ADAMTSL1: variants seen among roughly 807,000 people sequenced by gnomAD.
The protein encoded by ADAMTSL1 is ADAMTS-like protein 1.
ADAMTSL1 carries 126 observed loss-of-function variants against 201.8 expected under a neutral mutation model. The ratio of observed to expected loss-of-function variants is 0.62; its 90% confidence interval spans 0.54 to 0.72. ADAMTSL1 has a LOEUF of 0.72. Among genes scored for constraint, ADAMTSL1 ranks in the 30% least tolerant of loss-of-function variants. ADAMTSL1 has a pLI of 0.00. For missense variants in ADAMTSL1, 2,679 were observed against 2,277.8 expected, an observed-to-expected ratio of 1.18 and a Z score of -3.59; for synonymous variants, 1,121 against 903.4, an observed-to-expected ratio of 1.24 and a Z score of -4.32.
Position 18,865,988 on chromosome 9 carries a change from G to A in ADAMTSL1, c.4250-21843G>A, listed in dbSNP as rs766235750. On this transcript the variant is annotated intron_variant, in intron 23 of 28. Coordinates refer to ENST00000380548, the MANE Select transcript of ADAMTSL1 (RefSeq NM_001040272.6). Reference sequence around the variant, plus strand: ...TGCCTTAAATACTGTGAACTTCTTCGTTGAAGGAAAGGGAGGGTTGGGAAT... The same window carrying A: ...TGCCTTAAATACTGTGAACTTCTTCATTGAAGGAAAGGGAGGGTTGGGAAT... 9.9e-5 allele frequency among the ~76,000 whole-genome samples: 15 copies of A among 152,026 alleles called. No individual in the cohort carries two copies. The Middle Eastern group carries it at 0.01, about 103-fold the overall frequency.
intron 2 of ADAMTSL1, among the ~76,000 whole-genome samples, chr9:18,532,265 A>G (rs1434726880): frequency 2.6e-5 from 4 of 152,134 alleles, no homozygotes; most frequent in Non-Finnish European, 5.9e-5. Context: ...GGGAGTATGT[A>G]ATGGTACAAC....
At chr9:18,711,254 G>A (rs1266135818) in intron 14 of ADAMTSL1, among the ~76,000 whole-genome samples, 14 of 152,180 alleles carry the variant, frequency 9.2e-5, no homozygotes, top group African/African-American at 2.2e-4. Context: ...CAAGATGGCC[G>A]AATAGGAACA....
chr9:18,322,882 A>T (rs986781888), intron 2 of ADAMTSL1, among the ~76,000 whole-genome samples: 1 of 152,238 alleles, frequency 6.6e-6, no homozygotes, highest in Admixed American at 6.5e-5. Context: ...AATAGAAAAT[A>T]TCAATAGCTC....
chr9:18,609,007 C>T (rs1319299720), intron 4 of ADAMTSL1, among the ~76,000 whole-genome samples: 3 of 152,056 alleles, frequency 2.0e-5, no homozygotes, highest in Non-Finnish European at 4.4e-5. Context: ...ATTCAACTGG[C>T]ATATTGATAC....
intron 1 of ADAMTSL1, among the ~76,000 whole-genome samples, chr9:18,127,796 G>A (rs1164410295): frequency 2.6e-5 from 4 of 152,204 alleles, no homozygotes; most frequent in Non-Finnish European, 2.9e-5. Flanking sequence ...AACTTGCCAT[G>A]TTTTGGAAGT....
chr9:18,021,189 A>G (rs921873105), intron 1 of ADAMTSL1, among the ~76,000 whole-genome samples: 3 of 152,182 alleles, frequency 2.0e-5, no homozygotes, highest in Admixed American at 6.5e-5. Context: ...AGGTTTGATT[A>G]ACTTGGTCAC....
chr9:18,131,194 T>A (rs1477413331), intron 1 of ADAMTSL1, among the ~76,000 whole-genome samples: 1 of 152,210 alleles, frequency 6.6e-6, no homozygotes, highest in Non-Finnish European at 1.5e-5. Flanking sequence ...GTCTTACTTA[T>A]TTTGAGTAAG....
intron 19 of ADAMTSL1, among the ~76,000 whole-genome samples, chr9:18,786,989 G>C (rs72690561): frequency 0.17 from 25,208 of 152,208 alleles, 2,221 homozygotes; most frequent in Non-Finnish European, 0.2. Flanking sequence ...TCTCAGAATG[G>C]AAGTGAAGAT....
intron 5 of ADAMTSL1, among the ~76,000 whole-genome samples, chr9:18,633,514 AG>A (rs1249541215): frequency 1.3e-5 from 2 of 152,018 alleles, no homozygotes; most frequent in Non-Finnish European, 2.9e-5. Flanking sequence ...ACTTGAACCC[AG>A]GGGGCGGAGG....
chr9:17,933,291 C>T (rs72695939), intron 1 of ADAMTSL1, among the ~76,000 whole-genome samples: 33,035 of 151,962 alleles, frequency 0.22, 3,780 homozygotes, highest in Middle Eastern at 0.28. Context: ...AGCACCTTCT[C>T]CTCTGTATGG....
intron 19 of ADAMTSL1, among the ~76,000 whole-genome samples, chr9:18,786,489 A>G (rs900443460): frequency 6.6e-6 from 1 of 152,250 alleles, no homozygotes; most frequent in African/African-American, 2.4e-5. Flanking sequence ...CTAAAATGAT[A>G]CTAGTACAAT....
intron 1 of ADAMTSL1, among the ~76,000 whole-genome samples, chr9:18,029,385 C>T (rs933870696): frequency 5.9e-5 from 9 of 152,108 alleles, no homozygotes; most frequent in Admixed American, 1.3e-4. Flanking sequence ...ATGCCTTATA[C>T]AAAAATTAAT....
At chr9:18,721,769 A>T in intron 15 of ADAMTSL1, 104 bp downstream of exon 15, 4 of 1,466,130 alleles carry the variant, frequency 2.7e-6, no homozygotes, top group Non-Finnish European at 3.6e-6. Flanking sequence ...CAGTGTTTTG[A>T]AAACCAATTA....
chr9:18,207,887 C>G (rs540443648), intron 2 of ADAMTSL1, among the ~76,000 whole-genome samples: 2 of 150,530 alleles, frequency 1.3e-5, no homozygotes, highest in East Asian at 4.0e-4. Context: ...TAAAAAAAAA[C>G]AAGATAGAAT....
intron 2 of ADAMTSL1, among the ~76,000 whole-genome samples, chr9:18,238,855 C>G (rs1465805342): frequency 6.6e-6 from 1 of 152,128 alleles, no homozygotes; most frequent in Non-Finnish European, 1.5e-5. Context: ...AATTTACTCT[C>G]CTAGCACTTT....
intron 1 of ADAMTSL1, among the ~76,000 whole-genome samples, chr9:17,930,332 A>T (rs748367373): frequency 6.6e-6 from 1 of 152,132 alleles, no homozygotes; most frequent in Non-Finnish European, 1.5e-5. Context: ...GGGAATGTTG[A>T]GAATTGCACG....
At position 18,748,624 on chromosome 9, in the gene ADAMTSL1, A is replaced by T. The variant is rs185654184; in HGVS notation, c.2007-4674A>T. On this transcript the variant is annotated intron_variant, in intron 15 of 28. Coordinates refer to ENST00000380548, the MANE Select transcript of ADAMTSL1 (RefSeq NM_001040272.6). ...TGAAGTTGGGAGTAAACAGTTGTGTAGAGGACATAACTAAGATGTCCACCA... is the reference window on the plus strand; with the variant it reads ...TGAAGTTGGGAGTAAACAGTTGTGTTGAGGACATAACTAAGATGTCCACCA... Among the ~76,000 whole-genome samples, 159 of 152,308 alleles carry T rather than the reference A, an allele frequency of 1.0e-3. 1 individual carries two copies. Among genetic ancestry groups the T allele is most frequent in the African/African-American group, 3.8e-3 (157 of 41,560 alleles).
At chr9:18,659,399 A>C (rs1024038009) in intron 8 of ADAMTSL1, among the ~76,000 whole-genome samples, 6 of 152,252 alleles carry the variant, frequency 3.9e-5, no homozygotes, top group Admixed American at 3.9e-4. Flanking sequence ...TTGATAAAAA[A>C]CTATCAATTC....
At chr9:18,422,283 C>G (rs1818990964) in intron 2 of ADAMTSL1, among the ~76,000 whole-genome samples, 2 of 152,156 alleles carry the variant, frequency 1.3e-5, no homozygotes. Context: ...CTAATCACAT[C>G]AAAAGAGATA....
Sources: gnomAD v4.1 joint callset for allele counts (sites outside exome capture counted in the v4.1 genomes callset) on GRCh38, gnomAD v4.1.1 for gene constraint, MANE v1.5 for transcripts, NCBI Gene and HGNC (gene_info 2026-07-23, HGNC 2026-07-21) for gene names.